Variants in AKT2 observed in about 807,000 individuals in gnomAD.
The protein encoded by AKT2 is AKT serine/threonine kinase 2, also known as RAC-beta serine/threonine-protein kinase.
In AKT2, 16 loss-of-function variants were observed where a neutral mutation model predicts 58.6. The ratio of observed to expected loss-of-function variants is 0.27; its 90% CI spans 0.18 to 0.41. AKT2 has a LOEUF of 0.41. AKT2 is among the 10% of genes least tolerant of loss of function. The pLI is 1.00. For synonymous variants in AKT2, 253 were observed against 254.0 expected (o/e 1.00, Z 0.04); for missense variants, 438 against 661.0 (o/e 0.66, Z 3.70).
In AKT2 at chr19:40,230,730, T is replaced by A. The variant is rs1042007098; in HGVS notation, c.*3142A>T. On this transcript the variant is annotated 3_prime_UTR_variant, in exon 14 of 14. Coordinates refer to ENST00000392038, the MANE Select transcript of AKT2 (RefSeq NM_001626.6). ...GCATGTATCATGTTTTTTTTTTTTT[T>A]ATTTTTAGAGACACAGTCTCATTGT... 7.1e-4 allele frequency: 146 copies of A among 205,236 alleles called. 2 individuals carry two copies. The highest frequency in any genetic ancestry group is 3.3e-3 in the Admixed American group (56 of 16,802). The allele number at this position is 205,236 out of a possible 1,614,324, so 12.7% of individuals were successfully genotyped here.
Position 40,235,296 on chromosome 19 carries a change from G to C in AKT2, c.1230C>G (p.Leu410=), listed in dbSNP as rs572620353. The C allele has an allele frequency of 6.2e-7, 1 of 1,614,050 alleles. No homozygotes were observed. Among genetic ancestry groups the C allele is most frequent in the Admixed American group, 1.7e-5 (1 of 60,022 alleles). Residue 410 remains leucine, a synonymous_variant, in exon 12 of 14, where the codon CTC becomes CTG. Transcript: ENST00000392038. The surrounding 1 kb of genome is among the most constrained non-coding windows in gnomAD (Gnocchi z 6.3). ...AKEVMEHRFF[L]SINWQDVVQK... ...GGACCACGTCCTGCCAGTTGATGCT[G>C]AGGAAGAACCTGTGCTCCATGACCT...
chr19:40,235,023 C>G lies in AKT2; in HGVS notation c.1366+22G>C, dbSNP rs553636931. The G allele has an allele frequency of 1.9e-6, 3 of 1,606,466 alleles. No homozygotes were observed. The highest frequency in any genetic ancestry group is 2.6e-6 in the Non-Finnish European group (3 of 1,173,184). On this transcript the variant is annotated intron_variant, in intron 13 of 13. Transcript: ENST00000392038. This position sits in a 1 kb window ranked among gnomAD's most constrained non-coding sequence, Gnocchi z 6.3. The stretch of plus-strand genomic sequence containing the variant: ...TCCACCCCTGGGGCAGGCACACCAG[C>G]GCGGGGGCCCCAGGCACTCACAGCG...
At chr19:40,273,143 A>G (rs1600103123) in intron 1 of AKT2, among the ~76,000 whole-genome samples, 1 of 152,112 alleles carries the variant, frequency 6.6e-6, no homozygotes, top group Non-Finnish European at 1.5e-5. Flanking sequence ...GGAGGTCGAG[A>G]CCAGCCTGGC....
At chr19:40,253,798 C>G (rs1975341388) in intron 4 of AKT2, among the ~76,000 whole-genome samples, 1 of 151,918 alleles carries the variant, frequency 6.6e-6, no homozygotes. Context: ...GGAAACAACC[C>G]CAGTCATCAC....
chr19:40,234,932 C>T lies in AKT2; in HGVS notation c.1366+113G>A. On this transcript the variant is annotated intron_variant, in intron 13 of 13. Coordinates refer to ENST00000392038, the MANE Select transcript of AKT2 (RefSeq NM_001626.6). The surrounding 1 kb of genome is among the most constrained non-coding windows in gnomAD (Gnocchi z 4.7). The stretch of plus-strand genomic sequence containing the variant: ...CTGAGAGCAGACTTGGGGAAATCTC[C>T]CAGACATGAAGCGGGGGCCTTCGAG... 1 of 1,008,228 alleles carries T rather than the reference C, an allele frequency of 9.9e-7. No homozygotes were observed. The highest frequency in any genetic ancestry group is 1.5e-6 in the Non-Finnish European group (1 of 650,100). 62.5% of individuals were successfully genotyped at this position (1,008,228 alleles called of 1,614,324 possible). A position where few individuals can be genotyped will look rare whatever the true frequency, so the allele number is the denominator to read the frequency against.
At chr19:40,280,583 C>G (rs966808682) in intron 1 of AKT2, among the ~76,000 whole-genome samples, 3 of 152,120 alleles carry the variant, frequency 2.0e-5, no homozygotes, top group African/African-American at 7.2e-5. Flanking sequence ...CACAAGGCTC[C>G]CAGTGAAAGG....
At chr19:40,281,091 A>C (rs2077415998) in intron 1 of AKT2, among the ~76,000 whole-genome samples, 1 of 152,154 alleles carries the variant, frequency 6.6e-6, no homozygotes, top group Admixed American at 6.5e-5. Context: ...CCTCTCACCC[A>C]GGCCCACAGG....
In AKT2 at chr19:40,242,381, G is replaced by T; in HGVS notation, c.441+153C>A. The T allele has an allele frequency of 8.1e-7, 1 of 1,234,708 alleles. No individual in the cohort carries two copies. Among genetic ancestry groups the T allele is most frequent in the Non-Finnish European group, 1.2e-6 (1 of 854,152 alleles). 76.5% of individuals were successfully genotyped at this position (1,234,708 alleles called of 1,614,324 possible). On this transcript the variant is annotated intron_variant, in intron 5 of 13. Coordinates refer to ENST00000392038, the MANE Select transcript of AKT2 (RefSeq NM_001626.6). The surrounding 1 kb of genome is among the most constrained non-coding windows in gnomAD (Gnocchi z 4.3). ...CTACGGGCATGGAGCACACCCTAGGGCACCTGCCACCTGAAATCACCCCAC... is the reference window on the plus strand; with the variant it reads ...CTACGGGCATGGAGCACACCCTAGGTCACCTGCCACCTGAAATCACCCCAC...
chr19:40,261,382 A>AAT (rs1204569973), intron 2 of AKT2, among the ~76,000 whole-genome samples: 1 of 151,486 alleles, frequency 6.6e-6, no homozygotes, highest in African/African-American at 2.4e-5. Context: ...ATAATACAAA[A>AAT]ATTAGCCAAG....
chr19:40,271,241 GTA>G (rs2077209287), intron 1 of AKT2, among the ~76,000 whole-genome samples: 2 of 141,888 alleles, frequency 1.4e-5, no homozygotes, highest in Admixed American at 7.2e-5. Flanking sequence ...ACATATATAT[GTA>G]TATATACACG....
intron 7 of AKT2, chr19:40,239,365 C>T (rs1215574597): frequency 1.2e-5 from 3 of 242,036 alleles, no homozygotes; most frequent in South Asian, 5.9e-5. Context: ...GATGGACAGG[C>T]TGTCAGTCAA....
At chr19:40,267,614 C>T (rs1568563785) in intron 1 of AKT2, among the ~76,000 whole-genome samples, 1 of 152,216 alleles carries the variant, frequency 6.6e-6, no homozygotes. Flanking sequence ...ACCAGCAAAG[C>T]GTCTTATCTA....
At chr19:40,264,694 C>T (rs994472645) in intron 2 of AKT2, among the ~76,000 whole-genome samples, 1 of 152,126 alleles carries the variant, frequency 6.6e-6, no homozygotes, top group Admixed American at 6.5e-5. Context: ...CTGCCGTCTC[C>T]TCCGGGCAGC....
At chr19:40,252,073 C>T (rs1600034932) in intron 4 of AKT2, among the ~76,000 whole-genome samples, 1 of 152,080 alleles carries the variant, frequency 6.6e-6, no homozygotes, top group Non-Finnish European at 1.5e-5. Context: ...AGTGAGGAGG[C>T]GCTGCAGCAC....
chr19:40,259,621 A>G (rs1335684480), intron 2 of AKT2, among the ~76,000 whole-genome samples: 1 of 152,230 alleles, frequency 6.6e-6, no homozygotes, highest in East Asian at 1.9e-4. Flanking sequence ...ATGAAAGGAC[A>G]CTGTCAAGAA....
intron 1 of AKT2, among the ~76,000 whole-genome samples, chr19:40,276,639 C>T (rs2077331116): frequency 6.6e-6 from 1 of 151,240 alleles, no homozygotes; most frequent in Non-Finnish European, 1.5e-5. Flanking sequence ...GCTGGGATTA[C>T]AGGTGTGAAC....
At chr19:40,259,703 TAAAG>T (rs1164240343) in intron 2 of AKT2, among the ~76,000 whole-genome samples, 1 of 152,082 alleles carries the variant, frequency 6.6e-6, no homozygotes, top group Non-Finnish European at 1.5e-5. Context: ...CCAGAACACA[TAAAG>T]AACTCTTACA....
chr19:40,257,756 A>G (rs923058199), intron 2 of AKT2, among the ~76,000 whole-genome samples: 2 of 152,232 alleles, frequency 1.3e-5, no homozygotes, highest in African/African-American at 4.8e-5. Flanking sequence ...ATGTCCATCA[A>G]CAACGAATGG....
chr19:40,235,513 C>T lies in AKT2; in HGVS notation c.1176-163G>A. The T allele has an allele frequency of 1.4e-6, 1 of 740,210 alleles. No homozygotes were observed. Among genetic ancestry groups the T allele is most frequent in the Non-Finnish European group, 2.3e-6 (1 of 429,252 alleles). The allele number at this position is 740,210 out of a possible 1,614,324, so 45.9% of individuals were successfully genotyped here. On this transcript the variant is annotated intron_variant, in intron 11 of 13. Coordinates refer to ENST00000392038, the MANE Select transcript of AKT2 (RefSeq NM_001626.6). The surrounding 1 kb of genome is among the most constrained non-coding windows in gnomAD (Gnocchi z 6.3). ...AGGCTCAGGGAGGGAGCTCACGTGC[C>T]CAGGGTCAGAGCCAGGGAGTCAGCA...
Sources: gnomAD v4.1 joint callset for allele counts (sites outside exome capture counted in the v4.1 genomes callset) on GRCh38, gnomAD v4.1.1 for gene constraint, Gnocchi (gnomAD v3.1) non-coding constraint, MANE v1.5 for transcripts, NCBI Gene and HGNC (gene_info 2026-07-23, HGNC 2026-07-21) for gene names.